The following KCNQ1 variants were observed in gnomAD, a reference collection of about 807,000 sequenced individuals.
KCNQ1 encodes the protein potassium voltage-gated channel subfamily KQT member 1.
KCNQ1 carries 49 observed loss-of-function variants against 72.4 expected under a neutral mutation model. The observed-to-expected ratio is 0.68, with a 90% CI of 0.54 to 0.86. KCNQ1 has a LOEUF of 0.86. KCNQ1 is among the 40% of genes least tolerant of loss of function. The pLI is 0.00. For missense variants in KCNQ1, 790 were observed against 945.1 expected (o/e 0.84, Z 2.15); for synonymous variants, 450 against 412.6 (o/e 1.09, Z -1.10).
In KCNQ1 at chr11:2,445,174, G is replaced by A; in HGVS notation, c.76G>A (p.Gly26Ser). Residue 26 changes from glycine (G) to serine (S), a missense_variant, in exon 1 of 16, where the codon GGC becomes AGC. Gly to Ser is a moderately conservative substitution (Grantham distance 56). Around this residue, in one of 5 missense-constraint regions of KCNQ1, gnomAD observed 294 missense variants for 323.3 expected, o/e 0.91. Transcript: ENST00000155840. ...GWGRLPGARR[G>S]SAGLAKKCPF... ...GGGCCGCCTGCCAGGCGCCCGGCGG[G>A]GCAGCGCGGGCCTGGCCAAGAAGTG... is the stretch of plus-strand genomic sequence containing the variant. The A allele has an allele frequency of 2.6e-6, 3 of 1,135,370 alleles. No homozygotes were observed. Among genetic ancestry groups the A allele is most frequent in the Non-Finnish European group, 3.2e-6 (3 of 923,190 alleles). The allele number at this position is 1,135,370 out of a possible 1,614,324, so 70.3% of individuals were successfully genotyped here.
chr11:2,473,658 C>T lies in KCNQ1; in HGVS notation c.386+28174C>T, dbSNP rs114655460. On this transcript the variant is annotated intron_variant, in intron 1 of 15. Transcript: ENST00000155840. The surrounding 1 kb of genome is among the most constrained non-coding windows in gnomAD (Gnocchi z 6.0). Reference sequence around the variant, plus strand: ...TCTGGAGGGACTGGGCCTCAGTTGGCCTGGCCTGGCGCGGGGCTGCCAGCC... The same window carrying T: ...TCTGGAGGGACTGGGCCTCAGTTGGTCTGGCCTGGCGCGGGGCTGCCAGCC... 8.0e-3 allele frequency among the ~76,000 whole-genome samples: 1,213 copies of T among 152,318 alleles called. 23 individuals carry two copies. Among genetic ancestry groups the T allele is most frequent in the African/African-American group, 0.028 (1,147 of 41,578 alleles).
Position 2,603,100 on chromosome 11 carries a change from C to T in KCNQ1, c.1393+14246C>T, listed in dbSNP as rs948992878. On this transcript the variant is annotated intron_variant, in intron 10 of 15. Coordinates refer to ENST00000155840, the MANE Select transcript of KCNQ1 (RefSeq NM_000218.3). The surrounding 1 kb of genome is among the most constrained non-coding windows in gnomAD (Gnocchi z 4.1). ...ATAATTGAATGGTTTTTAGTATAGG[C>T]ATACCTCAGAGATATTGTGGTTCGG... 8.5e-5 allele frequency among the ~76,000 whole-genome samples: 13 copies of T among 152,184 alleles called. No individual in the cohort carries two copies. The highest frequency in any genetic ancestry group is 1.9e-4 in the Non-Finnish European group (13 of 68,038).
At chr11:2,485,930 A>G (rs1175327980) in intron 1 of KCNQ1, among the ~76,000 whole-genome samples, 1 of 152,216 alleles carries the variant, frequency 6.6e-6, no homozygotes, top group Non-Finnish European at 1.5e-5. Context: ...CATTTTGCTT[A>G]TCCATTCATC....
intron 10 of KCNQ1, among the ~76,000 whole-genome samples, chr11:2,594,525 C>G (rs1157596509): frequency 1.3e-5 from 2 of 152,150 alleles, no homozygotes; most frequent in African/African-American, 2.4e-5. Flanking sequence ...TGCTTCTGAT[C>G]TTTTCCAGAA....
chr11:2,445,330 G>A lies in KCNQ1; in HGVS notation c.232G>A (p.Asp78Asn), dbSNP rs1846020954. ...GCCCGCCGCGCCCCCAGTTGCCTCC[G>A]ACCTTGGCCCGCGGCCGCCGGTGAG... ...AAPAAPPVAS[D>N]LGPRPPVSLD... Residue 78 changes from aspartate (D) to asparagine (N), a missense_variant, in exon 1 of 16, where the codon GAC becomes AAC. Coordinates refer to ENST00000155840, the MANE Select transcript of KCNQ1 (RefSeq NM_000218.3). 1 of 1,579,244 alleles carries A rather than the reference G, an allele frequency of 6.3e-7. No homozygotes were observed. Among genetic ancestry groups the A allele is most frequent in the East Asian group, 2.3e-5 (1 of 43,586 alleles).
chr11:2,675,915 C>G (rs1300531113), intron 11 of KCNQ1: 1 of 398,566 alleles, frequency 2.5e-6, no homozygotes, highest in Non-Finnish European at 4.4e-6. Context: ...CTACAAAAAT[C>G]ATACAACAGT....
In KCNQ1 at chr11:2,680,228, G is replaced by A. The variant is rs995105956; in HGVS notation, c.1514+18147G>A. ...AATTAAAAAAAAAAAAAAAAAAAAA[G>A]TTGTCTATCTGTGTGTATATTCATA... On this transcript the variant is annotated intron_variant, in intron 11 of 15. Coordinates refer to ENST00000155840, the MANE Select transcript of KCNQ1 (RefSeq NM_000218.3). 3.3e-4 allele frequency: 122 copies of A among 373,840 alleles called. No homozygotes were observed. Among genetic ancestry groups the A allele is most frequent in the African/African-American group, 2.8e-3 (117 of 42,172 alleles). 23.2% of individuals were successfully genotyped at this position (373,840 alleles called of 1,614,324 possible).
rs770599959 is a variant in KCNQ1, at chr11:2,477,049, G to A, written c.386+31565G>A. On this transcript the variant is annotated intron_variant, in intron 1 of 15. Transcript: ENST00000155840. The surrounding 1 kb of genome is among the most constrained non-coding windows in gnomAD (Gnocchi z 5.0). ...CTCCAGTGAATTTGAAAAATGTTGT[G>A]AGATGGCTTATTCTTTGGGAAAAAA... Among the ~76,000 whole-genome samples the A allele has an allele frequency of 6.6e-6, 1 of 152,232 alleles. No homozygotes were observed. Among genetic ancestry groups the A allele is most frequent in the Non-Finnish European group, 1.5e-5 (1 of 68,054 alleles).
Position 2,713,255 on chromosome 11 carries a change from C to A in KCNQ1, c.1514+51174C>A, listed in dbSNP as rs1403963350. ...GCCGGACCTGCATCCCGCTCCTCCT[C>A]CGCTCCCTGGAAACGTTCCCTGAAT... On this transcript the variant is annotated intron_variant, in intron 11 of 15. Transcript: ENST00000155840. The surrounding 1 kb of genome is among the most constrained non-coding windows in gnomAD (Gnocchi z 5.6). 2.6e-5 allele frequency among the ~76,000 whole-genome samples: 4 copies of A among 152,174 alleles called. No homozygotes were observed. Among genetic ancestry groups the A allele is most frequent in the Non-Finnish European group, 1.5e-5 (1 of 68,032 alleles).
At chr11:2,459,760 CAGAGGT>C (rs1456882493) in intron 1 of KCNQ1, among the ~76,000 whole-genome samples, 1 of 152,072 alleles carries the variant, frequency 6.6e-6, no homozygotes, top group African/African-American at 2.4e-5. Flanking sequence ...GCCTGGGTCT[CAGAGGT>C]AGATGAATGG....
rs1031416441 is a variant in KCNQ1, at chr11:2,544,168, G to A, written c.477+16150G>A. The stretch of plus-strand genomic sequence containing the variant: ...TGCATTCAACCTAAAGATCAACATG[G>A]GGAGAATTGATGTCTTAACCAATAT... On this transcript the variant is annotated intron_variant, in intron 2 of 15. Transcript: ENST00000155840. The surrounding 1 kb of genome is among the most constrained non-coding windows in gnomAD (Gnocchi z 4.4). Among the ~76,000 whole-genome samples, 1 of 151,804 alleles carries A rather than the reference G, an allele frequency of 6.6e-6. No individual in the cohort carries two copies. The highest frequency in any genetic ancestry group is 2.4e-5 in the African/African-American group (1 of 41,300).
chr11:2,665,276 C>T, intron 11 of KCNQ1: 1 of 398,516 alleles, frequency 2.5e-6, no homozygotes, highest in Non-Finnish European at 4.4e-6. Flanking sequence ...GAGCCTGTGT[C>T]TCCCACCCAG....
intron 11 of KCNQ1, among the ~76,000 whole-genome samples, chr11:2,719,752 C>T (rs937100235): frequency 2.0e-5 from 3 of 152,190 alleles, no homozygotes; most frequent in African/African-American, 7.2e-5. Flanking sequence ...TCTCACCACA[C>T]AGTGTTGGGT....
In KCNQ1 at chr11:2,768,784, G is replaced by A; in HGVS notation, c.1515-60G>A. Reference sequence around the variant, plus strand: ...GTGCTCCTCAGGCAGTGCAGGGGCAGTGAGGGGATGACCAGCACAGGGTGG... The same window carrying A: ...GTGCTCCTCAGGCAGTGCAGGGGCAATGAGGGGATGACCAGCACAGGGTGG... On this transcript the variant is annotated intron_variant, in intron 11 of 15. Transcript: ENST00000155840. This position sits in a 1 kb window ranked among gnomAD's most constrained non-coding sequence, Gnocchi z 6.7. 7.6e-7 allele frequency: 1 copy of A among 1,315,672 alleles called. No individual in the cohort carries two copies. Among genetic ancestry groups the A allele is most frequent in the Non-Finnish European group, 1.1e-6 (1 of 907,796 alleles). The allele number at this position is 1,315,672 out of a possible 1,614,324, so 81.5% of individuals were successfully genotyped here.
Position 2,759,545 on chromosome 11 carries a change from C to T in KCNQ1, c.1515-9299C>T, listed in dbSNP as rs763766554. Among the ~76,000 whole-genome samples the T allele has an allele frequency of 1.1e-4, 17 of 152,172 alleles. No individual in the cohort carries two copies. Among genetic ancestry groups the T allele is most frequent in the African/African-American group, 2.7e-4 (11 of 41,432 alleles). The stretch of plus-strand genomic sequence containing the variant: ...GACGCACAGGTGTGGGACCTCACTG[C>T]GCGGGAGGGAGTTGCAAAGAGCGAC... On this transcript the variant is annotated intron_variant, in intron 11 of 15. Coordinates refer to ENST00000155840, the MANE Select transcript of KCNQ1 (RefSeq NM_000218.3). The surrounding 1 kb of genome is among the most constrained non-coding windows in gnomAD (Gnocchi z 4.4).
chr11:2,519,775 C>A (rs368938494), intron 1 of KCNQ1, among the ~76,000 whole-genome samples: 9 of 51,680 alleles, frequency 1.7e-4, no homozygotes, highest in Admixed American at 9.2e-4. Context: ...AGGTGTTGGC[C>A]CCCCCCCACA....
At chr11:2,838,604 G>A (rs1160633993) in intron 15 of KCNQ1, among the ~76,000 whole-genome samples, 1 of 152,132 alleles carries the variant, frequency 6.6e-6, no homozygotes, top group Admixed American at 6.5e-5. Context: ...TGCGCTCAGA[G>A]GTTCCAGATG....
chr11:2,677,911 G>T lies in KCNQ1; in HGVS notation c.1514+15830G>T, dbSNP rs749906147. 13 of 398,280 alleles carry T rather than the reference G, an allele frequency of 3.3e-5. No individual in the cohort carries two copies. The highest frequency in any genetic ancestry group is 5.3e-5 in the Non-Finnish European group (12 of 226,020). 24.7% of individuals were successfully genotyped at this position (398,280 alleles called of 1,614,324 possible). On this transcript the variant is annotated intron_variant, in intron 11 of 15. Transcript: ENST00000155840. This position sits in a 1 kb window ranked among gnomAD's most constrained non-coding sequence, Gnocchi z 4.5. ...CCCACCCTTACCAAGTGTATACTCA[G>T]GTTTTTATCTTCATTCATTTCATAG...
chr11:2,821,572 GGT>G (rs1291653772), intron 15 of KCNQ1, among the ~76,000 whole-genome samples: 1 of 152,128 alleles, frequency 6.6e-6, no homozygotes, highest in Non-Finnish European at 1.5e-5. Flanking sequence ...AGTTACCCAT[GGT>G]GTCCCCTTCC....
Sources: gnomAD v4.1 joint callset for allele counts (sites outside exome capture counted in the v4.1 genomes callset) on GRCh38, gnomAD v4.1.1 for gene constraint, gnomAD v4.1.1 regional missense constraint, Gnocchi (gnomAD v3.1) non-coding constraint, MANE v1.5 for transcripts, NCBI Gene and HGNC (gene_info 2026-07-23, HGNC 2026-07-21) for gene names.